Variants in HK1 observed in about 807,000 individuals in gnomAD.
The protein encoded by HK1 is hexokinase 1, also known as hexokinase-1.
A neutral mutation model predicts 91.6 loss-of-function variants in HK1; 28 were observed. That is an observed-to-expected ratio of 0.31 (90% confidence interval 0.23 to 0.42). The LOEUF is 0.42. Ranked by LOEUF, HK1 falls within the 10% of genes least tolerant of loss-of-function variation. HK1 has a pLI of 1.00. For synonymous variants in HK1, 430 were observed against 468.1 expected (o/e 0.92, Z 1.05); for missense variants, 770 against 1,219.8 (o/e 0.63, Z 5.49).
At chr10:69,349,492 C>A (rs2132709372) in intron 2 of HK1, among the ~76,000 whole-genome samples, 1 of 152,314 alleles carries the variant, frequency 6.6e-6, no homozygotes, top group Admixed American at 6.5e-5. Flanking sequence ...CCAAGGACCG[C>A]ACCCAGCAGG....
At chr10:69,385,478 C>T (rs928271619) in intron 12 of HK1, among the ~76,000 whole-genome samples, 6 of 152,206 alleles carry the variant, frequency 3.9e-5, no homozygotes, top group African/African-American at 1.4e-4. Flanking sequence ...CTAACACCAG[C>T]AGCTCCAGCT....
chr10:69,321,887 CAT>C (rs1293844447), intron 1 of HK1, among the ~76,000 whole-genome samples: 10 of 152,044 alleles, frequency 6.6e-5, no homozygotes, highest in Non-Finnish European at 1.0e-4. Flanking sequence ...GCACAAAACA[CAT>C]ATATTCCTTT....
In HK1 at chr10:69,369,464, A is replaced by G; in HGVS notation, c.715A>G (p.Met239Val). The G allele has an allele frequency of 6.2e-7, 1 of 1,614,186 alleles. No individual in the cohort carries two copies. Among genetic ancestry groups the G allele is most frequent in the Non-Finnish European group, 8.5e-7 (1 of 1,180,032 alleles). The change falls in exon 7 of 18, where the codon ATG becomes GTG. Residue 239 changes from methionine (M) to valine (V), a missense_variant. Met to Val is a conservative substitution (Grantham distance 21). This residue lies in a region of HK1 where 449 missense variants were observed against 665.1 expected (regional missense o/e 0.68). Coordinates refer to ENST00000359426, the MANE Select transcript of HK1 (RefSeq NM_000188.3). This position sits in a 1 kb window ranked among gnomAD's most constrained non-coding sequence, Gnocchi z 4.4. ...AGGCACTGGCACCAATGCTTGCTAC[A>G]TGGAGGAACTGAGGCACATTGATCT... ...IIGTGTNACY[M>V]EELRHIDLVE...
intron 4 of HK1, among the ~76,000 whole-genome samples, chr10:69,367,373 A>G (rs761680189): frequency 1.1e-4 from 16 of 152,208 alleles, no homozygotes; most frequent in Non-Finnish European, 1.8e-4. Flanking sequence ...CTAGAGGAGC[A>G]CAGTGAACCT....
At position 69,347,655 on chromosome 10, in the gene HK1, C is replaced by T. The variant is rs570967094; in HGVS notation, c.226+3666C>T. Among the ~76,000 whole-genome samples the T allele has an allele frequency of 1.3e-4, 19 of 151,938 alleles. No homozygotes were observed. In the South Asian group the frequency reaches 2.7e-3, roughly 22 times the overall value. ...TTCACCATGTTGGCCAGACTGGTCTCGAACTCCTGACCTTGTGATCTGCCC... is the reference window on the plus strand; with the variant it reads ...TTCACCATGTTGGCCAGACTGGTCTTGAACTCCTGACCTTGTGATCTGCCC... On this transcript the variant is annotated intron_variant, in intron 2 of 17. Coordinates refer to ENST00000359426, the MANE Select transcript of HK1 (RefSeq NM_000188.3).
chr10:69,283,798 C>CAAAAAAAAAAAA (rs571297748), intron 2 of HK1, among the ~76,000 whole-genome samples: 2 of 67,614 alleles, frequency 3.0e-5, no homozygotes, highest in Non-Finnish European at 5.3e-5. Context: ...GACTCTGTCT[C>CAAAAAAAAAAAA]AAAAAAAAAA....
chr10:69,318,106 G>C (rs1470611019), upstream of HK1: 1 of 985,460 alleles, frequency 1.0e-6, no homozygotes, highest in Non-Finnish European at 1.2e-6. Context: ...CTGAGGGAGA[G>C]CCACCGGAGC....
chr10:69,387,139 C>A (rs1839675732), intron 13 of HK1, among the ~76,000 whole-genome samples: 1 of 152,150 alleles, frequency 6.6e-6, no homozygotes, highest in Non-Finnish European at 1.5e-5. Context: ...TGGATTTAGA[C>A]AAGAATAAGA....
At chr10:69,272,899 C>G (rs1353981065) in intron 1 of HK1, among the ~76,000 whole-genome samples, 1 of 151,352 alleles carries the variant, frequency 6.6e-6, no homozygotes, top group African/African-American at 2.4e-5. Context: ...CTCTTTCCTT[C>G]TGAAATTCCA....
rs541653460 is a variant in HK1 at position 69,400,262 on chromosome 10, C to T, written c.2610-729C>T. Among the ~76,000 whole-genome samples the T allele has an allele frequency of 4.9e-4, 74 of 152,324 alleles. No homozygotes were observed. In the South Asian group the frequency reaches 0.015, roughly 30 times the overall value. On this transcript the variant is annotated intron_variant, in intron 17 of 17. Transcript: ENST00000359426. Reference sequence around the variant, plus strand: ...AGTGCTGGCATGAGCCACCGCACTCCGCCCACCTAATAGGTCCCCAACCAA... The same window carrying T: ...AGTGCTGGCATGAGCCACCGCACTCTGCCCACCTAATAGGTCCCCAACCAA...
intron 7 of HK1, among the ~76,000 whole-genome samples, chr10:69,370,503 T>A (rs1341053831): frequency 6.6e-6 from 1 of 152,154 alleles, no homozygotes; most frequent in Non-Finnish European, 1.5e-5. Context: ...GCCAACATGG[T>A]ATGTGGGGCA....
At chr10:69,340,722 G>T (rs116899600) in intron 1 of HK1, among the ~76,000 whole-genome samples, 1 of 152,028 alleles carries the variant, frequency 6.6e-6, no homozygotes, top group African/African-American at 2.4e-5. Context: ...ATGATCTTGC[G>T]CTTGCTCCTC....
chr10:69,379,902 C>T lies in HK1; in HGVS notation c.1072C>T (p.Arg358Cys), dbSNP rs147132442. 43 of 1,614,134 alleles carry T rather than the reference C, an allele frequency of 2.7e-5. No individual in the cohort carries two copies. The East Asian group carries it at 3.6e-4, about 13-fold the overall frequency. Residue 358 changes from arginine to cysteine, a missense_variant, in exon 9 of 18, where the codon CGC (arginine) becomes TGC (cysteine). Arg to Cys is a radical substitution (Grantham distance 180). This residue lies in a region of HK1 where 449 missense variants were observed against 665.1 expected (regional missense o/e 0.68). Coordinates refer to ENST00000359426, the MANE Select transcript of HK1 (RefSeq NM_000188.3). ...GLHNAKEILT[R>C]LGVEPSDDDC... is the part of the protein sequence containing the mutation. ...CCACAATGCCAAAGAAATCCTGACC[C>T]GCCTGGGAGTGGAGCCGTCCGATGA...
At chr10:69,342,493 C>T (rs1848342607) in intron 1 of HK1, among the ~76,000 whole-genome samples, 1 of 152,132 alleles carries the variant, frequency 6.6e-6, no homozygotes, top group African/African-American at 2.4e-5. Context: ...GAGGTGACAG[C>T]AGAAGGAGGA....
intron 1 of HK1, chr10:69,338,426 A>G (rs987131956): frequency 1.8e-5 from 22 of 1,243,278 alleles, no homozygotes; most frequent in Non-Finnish European, 2.3e-5. Context: ...CGTCTCAGAC[A>G]CTGGTTTGAG....
chr10:69,324,411 T>C (rs1185078669), intron 1 of HK1, among the ~76,000 whole-genome samples: 1 of 151,736 alleles, frequency 6.6e-6, no homozygotes, highest in Non-Finnish European at 1.5e-5. Context: ...ACCAACATGG[T>C]GAAACCCCGT....
intron 2 of HK1, among the ~76,000 whole-genome samples, chr10:69,354,250 A>G (rs2132730774): frequency 6.6e-6 from 1 of 151,956 alleles, no homozygotes; most frequent in East Asian, 1.9e-4. Flanking sequence ...CTTTGTGCTT[A>G]ATAAACAGCA....
chr10:69,334,621 G>C (rs1847887210), intron 1 of HK1, among the ~76,000 whole-genome samples: 1 of 152,148 alleles, frequency 6.6e-6, no homozygotes, highest in African/African-American at 2.4e-5. Context: ...GTCATTACTG[G>C]AGGCCTCCCG....
intron 7 of HK1, among the ~76,000 whole-genome samples, chr10:69,371,749 G>A (rs1850017293): frequency 6.6e-6 from 1 of 152,184 alleles, no homozygotes; most frequent in Non-Finnish European, 1.5e-5. Context: ...ATTTTCCAAA[G>A]AGATGAACTG....
Sources: gnomAD v4.1 joint callset for allele counts (sites outside exome capture counted in the v4.1 genomes callset) on GRCh38, gnomAD v4.1.1 for gene constraint, gnomAD v4.1.1 regional missense constraint, Gnocchi (gnomAD v3.1) non-coding constraint, MANE v1.5 for transcripts, NCBI Gene and HGNC (gene_info 2026-07-23, HGNC 2026-07-21) for gene names.